Variants in CNTN4 observed in about 807,000 individuals in gnomAD.
CNTN4 encodes contactin-4.
Under a neutral mutation model 122.5 loss-of-function variants are expected in CNTN4, and 77 were observed. The observed-to-expected ratio is 0.63, with a 90% confidence interval of 0.52 to 0.76. The LOEUF (loss-of-function observed/expected upper bound fraction) is 0.76, where lower values mean the gene tolerates loss of function less well. Ranked by LOEUF, CNTN4 falls within the 30% of genes least tolerant of loss-of-function variation. CNTN4 has a pLI of 0.00. For missense variants in CNTN4, 1,256 were observed against 1,259.1 expected (o/e 1.00, Z 0.04); for synonymous variants, 512 against 447.0 (o/e 1.15, Z -1.83).
intron 4 of CNTN4, among the ~76,000 whole-genome samples, chr3:2,602,415 G>T (rs371210436): frequency 1.3e-5 from 2 of 152,196 alleles, no homozygotes; most frequent in African/African-American, 4.8e-5. Flanking sequence ...CAACATGAAT[G>T]TGCAAAAATC....
chr3:3,056,994 G>T lies in CNTN4; in HGVS notation c.*774G>T, dbSNP rs763395852. ...CTTTTCACTCAACTGAGTTAGCATT[G>T]TCTTTGTGGTAGCATTATCTTAGAC... On this transcript the variant is annotated 3_prime_UTR_variant, in exon 25 of 25. Transcript: ENST00000418658. 2.0e-5 allele frequency: 3 copies of T among 152,582 alleles called. No homozygotes were observed. The highest frequency in any genetic ancestry group is 2.9e-5 in the Non-Finnish European group (2 of 68,048). 9.5% of individuals were successfully genotyped at this position (152,582 alleles called of 1,614,324 possible).
intron 7 of CNTN4, among the ~76,000 whole-genome samples, chr3:2,835,850 A>G (rs532602566): frequency 6.6e-6 from 1 of 152,194 alleles, no homozygotes; most frequent in Admixed American, 6.5e-5. Context: ...ACCTCATGCA[A>G]TTCAAAGGAA....
intron 13 of CNTN4, among the ~76,000 whole-genome samples, chr3:2,974,853 A>C (rs1170218860): frequency 6.6e-6 from 1 of 152,254 alleles, no homozygotes; most frequent in Non-Finnish European, 1.5e-5. Flanking sequence ...CAAATAAAGC[A>C]TGATCCTGCC....
At chr3:2,679,698 T>G (rs1196168626) in intron 4 of CNTN4, among the ~76,000 whole-genome samples, 2 of 152,296 alleles carry the variant, frequency 1.3e-5, no homozygotes, top group Non-Finnish European at 2.9e-5. Context: ...CATTAGCTCT[T>G]GGTTCCTTCT....
chr3:2,628,379 A>G (rs2082290338), intron 4 of CNTN4, among the ~76,000 whole-genome samples: 1 of 152,084 alleles, frequency 6.6e-6, no homozygotes, highest in South Asian at 2.1e-4. Flanking sequence ...AGGACACCTT[A>G]AGGGAAATGG....
At position 2,900,674 on chromosome 3, in the gene CNTN4, G is replaced by A. The variant is rs2094163439; in HGVS notation, c.941-11G>A. On this transcript the variant is annotated splice_polypyrimidine_tract_variant and intron_variant, in intron 10 of 24. Coordinates refer to ENST00000418658, the MANE Select transcript of CNTN4 (RefSeq NM_175607.3). ...AATATACACCTTTCTTTGCTTTTTG[G>A]ATGCCTATAGCTCAACCTAATTGGA... is the stretch of plus-strand genomic sequence containing the variant. 1 of 1,613,098 alleles carries A rather than the reference G, an allele frequency of 6.2e-7. No individual in the cohort carries two copies. The highest frequency in any genetic ancestry group is 8.5e-7 in the Non-Finnish European group (1 of 1,179,346).
intron 2 of CNTN4, among the ~76,000 whole-genome samples, chr3:2,274,174 G>A (rs1441055985): frequency 6.6e-6 from 1 of 152,062 alleles, no homozygotes; most frequent in African/African-American, 2.4e-5. Context: ...CTTGAGCTCA[G>A]GAGCTCAAAA....
chr3:3,056,356 A>G lies in CNTN4; in HGVS notation c.*136A>G. ...GAATAAAAATGTTTTTTGCTTCTTT[A>G]GGAATGGCATTATACAGTACTTCCT... On this transcript the variant is annotated 3_prime_UTR_variant, in exon 25 of 25. Coordinates refer to ENST00000418658, the MANE Select transcript of CNTN4 (RefSeq NM_175607.3). 1.4e-6 allele frequency: 1 copy of G among 735,026 alleles called. No homozygotes were observed. Among genetic ancestry groups the G allele is most frequent in the Non-Finnish European group, 2.4e-6 (1 of 422,060 alleles). 45.5% of individuals were successfully genotyped at this position (735,026 alleles called of 1,614,324 possible).
chr3:2,202,184 GTTC>G (rs1440593269), intron 2 of CNTN4, among the ~76,000 whole-genome samples: 1 of 152,126 alleles, frequency 6.6e-6, no homozygotes, highest in Non-Finnish European at 1.5e-5. Context: ...CCATTAAGCA[GTTC>G]TTCATTTTGA....
intron 2 of CNTN4, 98 bp downstream of exon 2, chr3:2,100,737 A>G (rs537515209): frequency 6.6e-5 from 10 of 152,226 alleles, no homozygotes; most frequent in Non-Finnish European, 1.3e-4. Flanking sequence ...CTAAGGATCA[A>G]AAACAAGTTT....
intron 2 of CNTN4, among the ~76,000 whole-genome samples, chr3:2,220,129 T>C (rs757199726): frequency 7.2e-5 from 11 of 152,270 alleles, no homozygotes; most frequent in Non-Finnish European, 1.6e-4. Flanking sequence ...TCTTTTACTT[T>C]CACTGAAACC....
At chr3:2,499,121 C>T (rs576146385) in intron 3 of CNTN4, among the ~76,000 whole-genome samples, 5 of 152,238 alleles carry the variant, frequency 3.3e-5, no homozygotes, top group Admixed American at 6.5e-5. Flanking sequence ...TCTGAGAACT[C>T]GTTGCCTAAC....
intron 2 of CNTN4, among the ~76,000 whole-genome samples, chr3:2,173,195 A>G (rs1405943809): frequency 6.6e-6 from 1 of 152,216 alleles, no homozygotes; most frequent in African/African-American, 2.4e-5. Context: ...ATGGGCTAAG[A>G]ACTCCTAACG....
intron 2 of CNTN4, among the ~76,000 whole-genome samples, chr3:2,216,482 G>A (rs113177374): frequency 1.3e-5 from 2 of 151,986 alleles, no homozygotes; most frequent in Non-Finnish European, 2.9e-5. Flanking sequence ...ACAAACTCCC[G>A]TGACATGAGT....
intron 23 of CNTN4, among the ~76,000 whole-genome samples, chr3:3,052,630 A>G (rs1336731669): frequency 6.6e-6 from 1 of 152,208 alleles, no homozygotes; most frequent in Non-Finnish European, 1.5e-5. Flanking sequence ...CAATCACAGC[A>G]GGCAATCCCA....
intron 4 of CNTN4, among the ~76,000 whole-genome samples, chr3:2,658,119 T>C (rs780855764): frequency 1.3e-4 from 20 of 150,088 alleles, no homozygotes; most frequent in Non-Finnish European, 2.8e-4. Flanking sequence ...TCGGAGGGGG[T>C]ACCTGGCAAA....
chr3:2,232,341 C>T (rs954449583), intron 2 of CNTN4, among the ~76,000 whole-genome samples: 1 of 152,146 alleles, frequency 6.6e-6, no homozygotes, highest in Non-Finnish European at 1.5e-5. Flanking sequence ...GTATCTCTAG[C>T]TGCAAAGCTT....
chr3:2,361,871 G>A (rs892168622), intron 3 of CNTN4, among the ~76,000 whole-genome samples: 8 of 152,118 alleles, frequency 5.3e-5, no homozygotes, highest in Non-Finnish European at 1.0e-4. Flanking sequence ...AATTCCACAG[G>A]ATCTGAGACA....
intron 2 of CNTN4, among the ~76,000 whole-genome samples, chr3:2,179,582 G>C (rs2036918300): frequency 6.6e-6 from 1 of 151,926 alleles, no homozygotes; most frequent in Non-Finnish European, 1.5e-5. Context: ...ACCGCCATTA[G>C]CAATTTTATA....
Sources: gnomAD v4.1 joint callset for allele counts (sites outside exome capture counted in the v4.1 genomes callset) on GRCh38, gnomAD v4.1.1 for gene constraint, MANE v1.5 for transcripts, NCBI Gene and HGNC (gene_info 2026-07-23, HGNC 2026-07-21) for gene names.